The following STIP1 variants were observed in gnomAD, a reference collection of about 807,000 sequenced individuals.
STIP1 encodes the protein stress induced phosphoprotein 1, also known as stress-induced-phosphoprotein 1.
Under a neutral mutation model 77.4 loss-of-function variants are expected in STIP1, and 16 were observed. The observed-to-expected ratio is 0.21, with a 90% CI of 0.14 to 0.31. STIP1 has a LOEUF of 0.31. STIP1 is among the 10% of genes least tolerant of loss of function. The pLI is 1.00. For synonymous variants in STIP1, 258 were observed against 246.6 expected, an observed-to-expected ratio of 1.05 and a Z score of -0.44; for missense variants, 524 against 684.8, an observed-to-expected ratio of 0.77 and a Z score of 2.62.
chr11:64,185,778 A>G, upstream of STIP1: 1 of 1,531,842 alleles, frequency 6.5e-7, no homozygotes, highest in South Asian at 1.2e-5. Context: ...AGAGTTGGCA[A>G]CCCTCCGCCC....
chr11:64,199,676 G>T (rs945243842), intron 8 of STIP1, among the ~76,000 whole-genome samples: 1 of 148,082 alleles, frequency 6.8e-6, no homozygotes, highest in African/African-American at 2.5e-5. Flanking sequence ...CCATTCTCCT[G>T]CCTCAGTCTC....
chr11:64,186,135 A>T, upstream of STIP1: 2 of 1,550,828 alleles, frequency 1.3e-6, no homozygotes, highest in Non-Finnish European at 1.7e-6. Context: ...TCGACCAGTG[A>T]GCAGGCGAGG....
At chr11:64,191,836 A>G (rs1045782479) in intron 1 of STIP1, among the ~76,000 whole-genome samples, 25 of 151,816 alleles carry the variant, frequency 1.6e-4, no homozygotes, top group Non-Finnish European at 3.5e-4. Context: ...ATCACACACA[A>G]GGCTGTCACT....
At chr11:64,196,622 A>C (rs1029749832) in intron 5 of STIP1, among the ~76,000 whole-genome samples, 1 of 152,094 alleles carries the variant, frequency 6.6e-6, no homozygotes, top group Non-Finnish European at 1.5e-5. Flanking sequence ...CTGGCTGGAC[A>C]TGGTGTGTGG....
intron 1 of STIP1, 28 bp from the exon 2 acceptor site, chr11:64,193,050 G>A: frequency 6.2e-7 from 1 of 1,606,416 alleles, no homozygotes; most frequent in Non-Finnish European, 8.5e-7. Flanking sequence ...GCACATCATA[G>A]AGAAGCTGTG....
intron 1 of STIP1, among the ~76,000 whole-genome samples, chr11:64,189,141 T>TC (rs1341115551): frequency 6.6e-6 from 1 of 152,168 alleles, no homozygotes; most frequent in Non-Finnish European, 1.5e-5. Flanking sequence ...GGCGGGTGGA[T>TC]CACGAGGTCA....
At chr11:64,194,786 G>A (rs570940060) in intron 4 of STIP1, among the ~76,000 whole-genome samples, 166 bp downstream of exon 4, 14 of 152,282 alleles carry the variant, frequency 9.2e-5, no homozygotes, top group South Asian at 8.3e-4. Flanking sequence ...TATAGAAAGG[G>A]TCAGGGGAGC....
chr11:64,192,682 C>T (rs1709140784), intron 1 of STIP1, among the ~76,000 whole-genome samples: 1 of 152,226 alleles, frequency 6.6e-6, no homozygotes, highest in Non-Finnish European at 1.5e-5. Flanking sequence ...CCACCTTCTT[C>T]CTGTGAGGGG....
At chr11:64,185,754 A>C (rs1027485710), upstream of STIP1, 2 of 1,518,672 alleles carry the variant, frequency 1.3e-6, no homozygotes, top group Admixed American at 2.0e-5. Flanking sequence ...AGCGATTTAA[A>C]CCAATCAGCG....
At chr11:64,200,374 T>C (rs1946204241) in intron 10 of STIP1, 81 bp downstream of exon 10, 2 of 1,516,616 alleles carry the variant, frequency 1.3e-6, no homozygotes, top group East Asian at 4.5e-5. Context: ...TCATCAACAT[T>C]GAGTTGATGA....
chr11:64,201,545 C>CT (rs1357367135), intron 10 of STIP1, among the ~76,000 whole-genome samples: 6 of 152,140 alleles, frequency 3.9e-5, no homozygotes, highest in African/African-American at 1.4e-4. Context: ...TTTGACTGTT[C>CT]TCTAGCTGAC....
At position 64,198,477 on chromosome 11, in the gene STIP1, C is replaced by T. The variant is rs185912722; in HGVS notation, c.1023+503C>T. ...CCACCCACCTCAACCTCCCAAAGTC[C>T]TGGGATTACAGGCCACTGCGCCTGG... On this transcript the variant is annotated intron_variant, in intron 8 of 13. Coordinates refer to ENST00000305218, the MANE Select transcript of STIP1 (RefSeq NM_006819.3). 9.9e-5 allele frequency among the ~76,000 whole-genome samples: 15 copies of T among 152,046 alleles called. No homozygotes were observed. The East Asian group carries it at 2.3e-3, about 24-fold the overall frequency.
At chr11:64,193,425 G>A in intron 2 of STIP1, 138 bp downstream of exon 2, 1 of 746,264 alleles carries the variant, frequency 1.3e-6, no homozygotes, top group South Asian at 1.8e-5. Flanking sequence ...CTCAGAAATG[G>A]CATTTTTCAT....
intron 1 of STIP1, among the ~76,000 whole-genome samples, chr11:64,186,682 A>T (rs1293105731): frequency 6.6e-6 from 1 of 152,148 alleles, no homozygotes; most frequent in Non-Finnish European, 1.5e-5. Flanking sequence ...CCTCCGGGAG[A>T]TCTCAGACGG....
intron 1 of STIP1, among the ~76,000 whole-genome samples, chr11:64,189,572 TC>T (rs1946067866): frequency 6.6e-6 from 1 of 152,068 alleles, no homozygotes; most frequent in African/African-American, 2.4e-5. Flanking sequence ...CTTTTTTTTT[TC>T]AATAGGGGCC....
intron 6 of STIP1, 29 bp from the exon 7 acceptor site, chr11:64,197,464 T>A: frequency 6.2e-7 from 1 of 1,614,140 alleles, no homozygotes; most frequent in Non-Finnish European, 8.5e-7. Flanking sequence ...AAAGACTGAC[T>A]GTTCCTTCTT....
At chr11:64,195,170 G>A (rs1946134730) in intron 4 of STIP1, among the ~76,000 whole-genome samples, 1 of 152,076 alleles carries the variant, frequency 6.6e-6, no homozygotes, top group Non-Finnish European at 1.5e-5. Flanking sequence ...CTGGAGTGCA[G>A]TGGTGTGATC....
In STIP1 at chr11:64,204,409, T is replaced by C. The variant is rs1946261224; in HGVS notation, c.*283T>C. 1.1e-5 allele frequency: 4 copies of C among 358,944 alleles called. No homozygotes were observed. The highest frequency in any genetic ancestry group is 2.0e-5 in the Non-Finnish European group (4 of 199,284). 22.2% of individuals were successfully genotyped at this position (358,944 alleles called of 1,614,324 possible). On this transcript the variant is annotated 3_prime_UTR_variant, in exon 14 of 14. Coordinates refer to ENST00000305218, the MANE Select transcript of STIP1 (RefSeq NM_006819.3). ...GTCTCGGCTGCTCTCCCATAGTTGG[T>C]TTTTTTTTTATTTGGGGCAGTGGGC... is the stretch of plus-strand genomic sequence containing the variant.
In STIP1 at chr11:64,194,538, C is replaced by G; in HGVS notation, c.421C>G (p.Pro141Ala). ...PNLYQKLESD[P>A]RTRTLLSDPT... ...TCTGTATCAGAAGTTGGAGAGTGAT[C>G]CCAGGACAAGGACACTACTCAGTGA... Residue 141 changes from proline to alanine, a missense_variant, in exon 4 of 14, where the codon CCC becomes GCC. Coordinates refer to ENST00000305218, the MANE Select transcript of STIP1 (RefSeq NM_006819.3). The G allele has an allele frequency of 6.2e-7, 1 of 1,614,134 alleles. No homozygotes were observed. The highest frequency in any genetic ancestry group is 8.5e-7 in the Non-Finnish European group (1 of 1,180,024).
Sources: gnomAD v4.1 joint callset for allele counts (sites outside exome capture counted in the v4.1 genomes callset) on GRCh38, gnomAD v4.1.1 for gene constraint, MANE v1.5 for transcripts, NCBI Gene and HGNC (gene_info 2026-07-23, HGNC 2026-07-21) for gene names.